CDH12: variants seen among roughly 807,000 people sequenced by gnomAD.
CDH12 encodes cadherin 12.
A neutral mutation model predicts 74.1 loss-of-function variants in CDH12; 41 were observed. That is an observed-to-expected ratio of 0.55 (90% confidence interval 0.43 to 0.72). CDH12 has a LOEUF of 0.72. Among genes scored for constraint, CDH12 ranks in the 30% least tolerant of loss-of-function variants. The pLI is 0.00. For synonymous variants in CDH12, 399 were observed against 355.0 expected (o/e 1.12, Z -1.39); for missense variants, 945 against 977.2 (o/e 0.97, Z 0.44).
intron 3 of CDH12, among the ~76,000 whole-genome samples, chr5:22,350,553 T>C (rs978341307): frequency 6.6e-6 from 1 of 152,174 alleles, no homozygotes; most frequent in African/African-American, 2.4e-5. Context: ...AGTATCTCCA[T>C]AGGGTTTGTT....
chr5:22,304,220 T>G (rs1361769673), intron 3 of CDH12, among the ~76,000 whole-genome samples: 1 of 152,124 alleles, frequency 6.6e-6, no homozygotes, highest in African/African-American at 2.4e-5. Flanking sequence ...AATAATTGTG[T>G]AGAAACCAAG....
intron 1 of CDH12, among the ~76,000 whole-genome samples, chr5:22,831,371 C>CTGTGTGTGTGTGTGTG (rs70959760): frequency 1.5e-4 from 22 of 146,746 alleles, no homozygotes; most frequent in Middle Eastern, 3.5e-3. Flanking sequence ...GTGTGTGTGT[C>CTGTGTGTGTGTGTGTG]TGTGTGTGTG....
chr5:22,630,926 TAAAC>T (rs1032566184), intron 1 of CDH12, among the ~76,000 whole-genome samples: 4 of 151,946 alleles, frequency 2.6e-5, no homozygotes, highest in Admixed American at 2.0e-4. Context: ...ATAAGGAACT[TAAAC>T]AAATTAGCAA....
intron 1 of CDH12, among the ~76,000 whole-genome samples, chr5:22,517,417 A>C (rs1736857103): frequency 6.6e-6 from 1 of 152,198 alleles, no homozygotes; most frequent in African/African-American, 2.4e-5. Flanking sequence ...ACAAAGTTAC[A>C]TCATATTTAC....
intron 3 of CDH12, among the ~76,000 whole-genome samples, chr5:22,306,216 C>T (rs1395534605): frequency 6.6e-6 from 1 of 152,162 alleles, no homozygotes. Flanking sequence ...AAAGCAAAAG[C>T]CTCAGCACAT....
intron 2 of CDH12, among the ~76,000 whole-genome samples, chr5:22,408,138 C>T (rs1361024862): frequency 6.6e-6 from 1 of 151,942 alleles, no homozygotes; most frequent in Non-Finnish European, 1.5e-5. Flanking sequence ...CTATCTTTAA[C>T]AATGAAGCAC....
intron 3 of CDH12, among the ~76,000 whole-genome samples, chr5:22,378,048 T>A (rs1053899482): frequency 6.6e-6 from 1 of 152,188 alleles, no homozygotes; most frequent in African/African-American, 2.4e-5. Flanking sequence ...TAACGTGTTT[T>A]TTTCCTCTTA....
intron 5 of CDH12, among the ~76,000 whole-genome samples, chr5:22,050,394 A>C (rs764187196): frequency 1.8e-4 from 28 of 152,140 alleles, no homozygotes; most frequent in Non-Finnish European, 3.7e-4. Flanking sequence ...AATATGTGTG[A>C]CTGTGAGCTT....
intron 3 of CDH12, among the ~76,000 whole-genome samples, chr5:22,357,697 T>C (rs1740623349): frequency 6.6e-6 from 1 of 152,156 alleles, no homozygotes; most frequent in East Asian, 1.9e-4. Context: ...TGCTTAAGTT[T>C]ATTATTAACA....
intron 3 of CDH12, among the ~76,000 whole-genome samples, chr5:22,323,306 T>C (rs1250834077): frequency 2.0e-5 from 3 of 152,104 alleles, no homozygotes; most frequent in Non-Finnish European, 2.9e-5. Context: ...TTAAAATTTA[T>C]ATTAGATAAA....
chr5:22,370,693 T>C (rs1741250179), intron 3 of CDH12, among the ~76,000 whole-genome samples: 1 of 152,060 alleles, frequency 6.6e-6, no homozygotes, highest in South Asian at 2.1e-4. Flanking sequence ...AAAGGAGAGA[T>C]GAAATAGGAC....
At chr5:22,304,316 T>C (rs1466456652) in intron 3 of CDH12, among the ~76,000 whole-genome samples, 4 of 152,236 alleles carry the variant, frequency 2.6e-5, no homozygotes, top group South Asian at 2.1e-4. Context: ...TGAGACAACA[T>C]AGAATTAAGC....
Position 22,291,976 on chromosome 5 carries a change from C to G in CDH12, c.-332-79333G>C, listed in dbSNP as rs970432324. 3.3e-5 allele frequency among the ~76,000 whole-genome samples: 5 copies of G among 152,108 alleles called. No individual in the cohort carries two copies. The South Asian group carries it at 1.0e-3, about 32-fold the overall frequency. ...TAAACTACAAAGCTACTGTTGTAAACAAAACAGCATGGTACTGGCATAAAA... is the reference window on the plus strand; with the variant it reads ...TAAACTACAAAGCTACTGTTGTAAAGAAAACAGCATGGTACTGGCATAAAA... On this transcript the variant is annotated intron_variant, in intron 3 of 14. Transcript: ENST00000382254.
rs181321055 is a variant in CDH12 at position 22,510,603 on chromosome 5, T to C, written c.-522-5239A>G. 2.6e-5 allele frequency among the ~76,000 whole-genome samples: 4 copies of C among 152,310 alleles called. No homozygotes were observed. The East Asian group carries it at 7.7e-4, about 29-fold the overall frequency. The stretch of plus-strand genomic sequence containing the variant: ...AAGAGCCACAGACGCTCAAGTCTTT[T>C]ATGTAAAAAGGAATATTATTTGCAT... On this transcript the variant is annotated intron_variant, in intron 1 of 14. Transcript: ENST00000382254.
chr5:22,817,365 C>A (rs542884624), intron 1 of CDH12, among the ~76,000 whole-genome samples: 1 of 151,962 alleles, frequency 6.6e-6, no homozygotes, highest in Non-Finnish European at 1.5e-5. Flanking sequence ...TCTTCAAATT[C>A]ATCAGAGACA....
intron 1 of CDH12, among the ~76,000 whole-genome samples, chr5:22,552,056 G>A (rs1580757622): frequency 6.6e-6 from 1 of 152,036 alleles, no homozygotes; most frequent in African/African-American, 2.4e-5. Context: ...GTGTATATAG[G>A]AGTGAACAGA....
At chr5:22,246,193 G>A (rs866714397) in intron 3 of CDH12, among the ~76,000 whole-genome samples, 7 of 152,224 alleles carry the variant, frequency 4.6e-5, no homozygotes, top group Middle Eastern at 3.4e-3. Flanking sequence ...TTTTAATTCA[G>A]TGTTAATTAA....
rs529373802 is a variant in CDH12, at chr5:22,486,654, A to G, written c.-428+18616T>C. 6.6e-5 allele frequency among the ~76,000 whole-genome samples: 10 copies of G among 151,968 alleles called. No individual in the cohort carries two copies. In the East Asian group the frequency reaches 1.8e-3, roughly 27 times the overall value. Reference sequence around the variant, plus strand: ...TTTTTGGTAGAGATGGGGTTTCTCCATATTGGTCAGGCTGGTCTTGAACTC... The same window carrying G: ...TTTTTGGTAGAGATGGGGTTTCTCCGTATTGGTCAGGCTGGTCTTGAACTC... On this transcript the variant is annotated intron_variant, in intron 2 of 14. Coordinates refer to ENST00000382254, the MANE Select transcript of CDH12 (RefSeq NM_004061.5).
intron 1 of CDH12, among the ~76,000 whole-genome samples, chr5:22,762,397 A>C (rs1746273956): frequency 6.6e-6 from 1 of 152,118 alleles, no homozygotes; most frequent in Admixed American, 6.5e-5. Context: ...TCATTCTTAA[A>C]AAAGTATTAA....
Sources: gnomAD v4.1 joint callset for allele counts (sites outside exome capture counted in the v4.1 genomes callset) on GRCh38, gnomAD v4.1.1 for gene constraint, MANE v1.5 for transcripts, NCBI Gene and HGNC (gene_info 2026-07-23, HGNC 2026-07-21) for gene names.